Variants in WDR26 observed in about 807,000 individuals in gnomAD.
WDR26 encodes WD repeat domain 26.
A neutral mutation model predicts 84.1 loss-of-function variants in WDR26; 5 were observed. That is an observed-to-expected ratio of 0.06 (90% CI 0.03 to 0.13). The LOEUF (loss-of-function observed/expected upper bound fraction) is 0.13, where lower values mean the gene tolerates loss of function less well. Among genes scored for constraint, WDR26 ranks in the 10% least tolerant of loss-of-function variants. The pLI, the probability that WDR26 is intolerant of heterozygous loss-of-function variation, is 1.00. For synonymous variants in WDR26, 415 were observed against 389.6 expected, an observed-to-expected ratio of 1.07 and a Z score of -0.77; for missense variants, 642 against 974.9, an observed-to-expected ratio of 0.66 and a Z score of 4.55.
At chr1:224,399,618 G>T (rs1214750451) in intron 9 of WDR26, among the ~76,000 whole-genome samples, 1 of 152,126 alleles carries the variant, frequency 6.6e-6, no homozygotes, top group South Asian at 2.1e-4. Flanking sequence ...TATCTTGATG[G>T]CTTAACACAG....
chr1:224,398,723 A>G lies in WDR26; in HGVS notation c.1866-130T>C, dbSNP rs1013956714. 3.4e-6 allele frequency: 4 copies of G among 1,176,866 alleles called. No homozygotes were observed. In the African/African-American group the frequency reaches 6.2e-5, roughly 18 times the overall value. 72.9% of individuals were successfully genotyped at this position (1,176,866 alleles called of 1,614,324 possible). On this transcript the variant is annotated intron_variant, in intron 10 of 13. Coordinates refer to ENST00000414423, the MANE Select transcript of WDR26 (RefSeq NM_001379403.1). ...AATCACTATTACATACTATACTTCA[A>G]TTGAGAAGAATCTGAGTTACTGATT...
Position 224,431,725 on chromosome 1 carries a change from G to T in WDR26, c.779C>A (p.Ala260Asp). ...CATGACATGATTTCGGAATTTGGTA[G>T]CAGAAGGATGTTCTAAACGACATCC... Residue 260 changes from alanine (A) to aspartate (D), a missense_variant, in exon 2 of 14, where the codon GCT (alanine) becomes GAT (aspartate). Ala to Asp is a moderately radical substitution (Grantham distance 126, BLOSUM62 -2). This residue lies in a region of WDR26 where 351 missense variants were observed against 672.8 expected (regional missense o/e 0.52). Transcript: ENST00000414423. 6.2e-7 allele frequency: 1 copy of T among 1,613,944 alleles called. No individual in the cohort carries two copies. The highest frequency in any genetic ancestry group is 2.2e-5 in the East Asian group (1 of 44,864).
intron 7 of WDR26, among the ~76,000 whole-genome samples, chr1:224,406,743 T>C (rs754290576): frequency 6.6e-6 from 1 of 151,908 alleles, no homozygotes. Context: ...TAGCTCAAGA[T>C]CTTCCAGGAA....
chr1:224,431,287 A>C, intron 3 of WDR26, 190 bp downstream of exon 3: 1 of 506,394 alleles, frequency 2.0e-6, no homozygotes, highest in South Asian at 3.0e-5. Context: ...TTCAAATGAC[A>C]CATTTACTAA....
intron 6 of WDR26, among the ~76,000 whole-genome samples, chr1:224,416,586 G>C (rs552113567): frequency 6.6e-6 from 1 of 152,272 alleles, no homozygotes; most frequent in Non-Finnish European, 1.5e-5. Context: ...GTTGGAAAAA[G>C]TTAGATTAAG....
At position 224,433,981 on chromosome 1, in the gene WDR26, G is replaced by A; in HGVS notation, c.425C>T (p.Ser142Leu). 2 of 1,528,696 alleles carry A rather than the reference G, an allele frequency of 1.3e-6. No individual in the cohort carries two copies. Among genetic ancestry groups the A allele is most frequent in the African/African-American group, 1.4e-5 (1 of 73,008 alleles). The allele number at this position is 1,528,696 out of a possible 1,614,324, so 94.7% of individuals were successfully genotyped here. Residue 142 changes from serine (S) to leucine (L), a missense_variant, in exon 1 of 14, where the codon TCG becomes TTG. This residue lies in a region of WDR26 where 291 missense variants were observed against 302.1 expected (regional missense o/e 0.96). Transcript: ENST00000414423. ...CGCGGACGACGACGACGAGGGGGAC[G>A]ACTCCCCGTTCTGGGCCGACAAGCA... is the stretch of plus-strand genomic sequence containing the variant.
chr1:224,419,410 C>T, intron 5 of WDR26, 108 bp downstream of exon 5: 1 of 867,600 alleles, frequency 1.2e-6, no homozygotes, highest in Admixed American at 2.1e-5. Context: ...CTTCTAAGCA[C>T]TCAATAAAAG....
chr1:224,398,255 A>C, intron 11 of WDR26, 29 bp from the exon 12 acceptor site: 1 of 1,600,114 alleles, frequency 6.2e-7, no homozygotes, highest in Non-Finnish European at 8.5e-7. Flanking sequence ...ACAGATATTT[A>C]ATCTGCCTCA....
chr1:224,400,901 ATTT>A lies in WDR26; in HGVS notation c.1719+46_1719+48del, dbSNP rs750123181. ...AAGGAAATTGTTTAAACAAAAGTAC[ATTT>A]GCTTTTAAACCAACAGATACTGGGA... On this transcript the variant is annotated intron_variant, in intron 9 of 13. Coordinates refer to ENST00000414423, the MANE Select transcript of WDR26 (RefSeq NM_001379403.1). 1.6e-5 allele frequency: 25 copies of A among 1,596,892 alleles called. No homozygotes were observed. In the Admixed American group the frequency reaches 4.2e-4, roughly 27 times the overall value.
chr1:224,398,161 C>A lies in WDR26; in HGVS notation c.2010G>T (p.Gly670=). Reference sequence around the variant, plus strand: ...CAAAACATGAATGAATTGTATAAAACCCTTGTGTAACACCTTGATACTTTC... The same window carrying A: ...CAAAACATGAATGAATTGTATAAAAACCTTGTGTAACACCTTGATACTTTC... The change falls in exon 12 of 14, where the codon GGG becomes GGT. Residue 670 remains glycine (G), a synonymous_variant. Coordinates refer to ENST00000414423, the MANE Select transcript of WDR26 (RefSeq NM_001379403.1). 2.5e-6 allele frequency: 4 copies of A among 1,613,632 alleles called. No individual in the cohort carries two copies. Among genetic ancestry groups the A allele is most frequent in the Non-Finnish European group, 3.4e-6 (4 of 1,179,872 alleles).
At chr1:224,413,727 A>G (rs1252870108) in intron 6 of WDR26, among the ~76,000 whole-genome samples, 1 of 152,182 alleles carries the variant, frequency 6.6e-6, no homozygotes, top group Non-Finnish European at 1.5e-5. Context: ...TTAAAATCAT[A>G]TTTTTCAAGG....
intron 3 of WDR26, among the ~76,000 whole-genome samples, chr1:224,428,294 G>A (rs1334905200): frequency 1.3e-5 from 2 of 152,110 alleles, no homozygotes; most frequent in Non-Finnish European, 2.9e-5. Flanking sequence ...TGGTTCTCAA[G>A]GGCGGCCTCC....
intron 7 of WDR26, among the ~76,000 whole-genome samples, chr1:224,410,847 T>C (rs571662083): frequency 5.9e-5 from 9 of 152,034 alleles, no homozygotes; most frequent in African/African-American, 1.7e-4. Flanking sequence ...GACTGGTGTG[T>C]ACCATCATGC....
At chr1:224,403,987 A>C (rs1456488188) in intron 8 of WDR26, among the ~76,000 whole-genome samples, 1 of 152,206 alleles carries the variant, frequency 6.6e-6, no homozygotes, top group Non-Finnish European at 1.5e-5. Context: ...CTTAGGAATA[A>C]GTACTGAAAA....
rs912407057 is a variant in WDR26, at chr1:224,433,821, G to C, written c.585C>G (p.Ala195=). 1.8e-5 allele frequency: 28 copies of C among 1,536,792 alleles called. No individual in the cohort carries two copies. The highest frequency in any genetic ancestry group is 2.4e-5 in the Non-Finnish European group (27 of 1,146,794). ...AAGAGGAGGCGGCGGTGGTGGCGGA[G>C]GCAGCTGCGACGGTGGCTGAGGATG... The change falls in exon 1 of 14, where the codon GCC becomes GCG. Residue 195 remains alanine, a synonymous_variant. Transcript: ENST00000414423.
In WDR26 at chr1:224,398,093, T is replaced by G; in HGVS notation, c.2074+4A>C. The G allele has an allele frequency of 6.2e-7, 1 of 1,612,554 alleles. No individual in the cohort carries two copies. Among genetic ancestry groups the G allele is most frequent in the Non-Finnish European group, 8.5e-7 (1 of 1,179,640 alleles). On this transcript the variant is annotated splice_donor_region_variant and intron_variant, in intron 12 of 13. Coordinates refer to ENST00000414423, the MANE Select transcript of WDR26 (RefSeq NM_001379403.1). The stretch of plus-strand genomic sequence containing the variant: ...ATATGTAAACTGATAAGGACACAAT[T>G]TACCTTCACTGCCACTAGCGATGAA...
At chr1:224,426,039 G>C (rs1458544823) in intron 3 of WDR26, among the ~76,000 whole-genome samples, 1 of 152,040 alleles carries the variant, frequency 6.6e-6, no homozygotes, top group African/African-American at 2.4e-5. Flanking sequence ...TGTATTTTTA[G>C]TAGAGACAGG....
In WDR26 at chr1:224,434,055, A is replaced by ACCG. The variant is rs746750261; in HGVS notation, c.348_350dup (p.Gly125dup). On this transcript the variant is annotated inframe_insertion, in exon 1 of 14. Transcript: ENST00000414423. ...GGCCCCCGCCGCCCCCTCCTCCTCC[A>ACCG]CCGCCGCCGCCGCCACCTCCTCCTC... is the stretch of plus-strand genomic sequence containing the variant. 1,407 of 1,446,996 alleles carry ACCG rather than the reference A, an allele frequency of 9.7e-4. 1 individual carries two copies. The highest frequency in any genetic ancestry group is 1.2e-3 in the Non-Finnish European group (1,300 of 1,104,736). The allele number at this position is 1,446,996 out of a possible 1,614,324, so 89.6% of individuals were successfully genotyped here. A position where few individuals can be genotyped will look rare whatever the true frequency, so the allele number is the denominator to read the frequency against.
rs777986160 is a variant in WDR26, at chr1:224,419,627, A to G, written c.1065-12T>C. 1 of 1,601,160 alleles carries G rather than the reference A, an allele frequency of 6.2e-7. No individual in the cohort carries two copies. The highest frequency in any genetic ancestry group is 2.2e-5 in the East Asian group (1 of 44,800). On this transcript the variant is annotated splice_polypyrimidine_tract_variant and intron_variant, in intron 4 of 13. Coordinates refer to ENST00000414423, the MANE Select transcript of WDR26 (RefSeq NM_001379403.1). ...TACACATCAGATACCTAAAAATACA[A>G]CAGAGAAAGCAACCAATATTAAACC...
Sources: gnomAD v4.1 joint callset for allele counts (sites outside exome capture counted in the v4.1 genomes callset) on GRCh38, gnomAD v4.1.1 for gene constraint, gnomAD v4.1.1 regional missense constraint, MANE v1.5 for transcripts, NCBI Gene and HGNC (gene_info 2026-07-23, HGNC 2026-07-21) for gene names.